The following C17orf58 variants were observed in gnomAD, a reference collection of about 807,000 sequenced individuals.
The protein encoded by C17orf58 is chromosome 17 open reading frame 58.
C17orf58 carries 5 observed loss-of-function variants against 7.4 expected under a neutral mutation model. The observed-to-expected ratio is 0.67, with a 90% CI of 0.35 to 1.42. C17orf58 has a LOEUF of 1.42. C17orf58 is among the 40% of genes most tolerant of loss of function. The pLI is 0.04. For missense variants in C17orf58, 162 were observed against 174.2 expected (o/e 0.93, Z 0.40); for synonymous variants, 60 against 70.6 (o/e 0.85, Z 0.75).
chr17:67,994,769 A>C (rs1380454991), intron 1 of C17orf58, among the ~76,000 whole-genome samples: 1 of 151,938 alleles, frequency 6.6e-6, no homozygotes, highest in African/African-American at 2.4e-5. Flanking sequence ...CTTACTGGTA[A>C]ACCACAGCTA....
rs782391206 is a variant in C17orf58 at position 67,992,959 on chromosome 17, C to G, written c.829+85G>C. 23 of 1,614,056 alleles carry G rather than the reference C, an allele frequency of 1.4e-5. 1 individual carries two copies. The South Asian group carries it at 2.3e-4, about 16-fold the overall frequency. ...CCATCGCTCCCAAAAAAAGGCTGGG[C>G]GACCTACAGCCCGGGCTGTGGCACC... On this transcript the variant is annotated intron_variant, in intron 3 of 3. Coordinates refer to ENST00000580729, the MANE Select transcript of C17orf58 (RefSeq NM_001382359.1).
rs2070825843 is a variant in C17orf58, at chr17:67,991,121, T to C, written c.*792A>G. The C allele has an allele frequency of 6.6e-6, 1 of 152,196 alleles. No homozygotes were observed. Among genetic ancestry groups the C allele is most frequent in the African/African-American group, 2.4e-5 (1 of 41,450 alleles). The allele number at this position is 152,196 out of a possible 1,614,324, so 9.4% of individuals were successfully genotyped here. On this transcript the variant is annotated 3_prime_UTR_variant, in exon 4 of 4. Transcript: ENST00000580729. ...AGATCTGATTTCAAGTCAAGATTTA[T>C]TGCTTTACAAACAAACATTATACTT...
intron 1 of C17orf58, among the ~76,000 whole-genome samples, chr17:67,994,613 G>A (rs1170404391): frequency 7.3e-5 from 11 of 150,454 alleles, no homozygotes; most frequent in African/African-American, 2.7e-4. Context: ...CAGGGGGAAA[G>A]GTCTCATATT....
chr17:67,995,780 C>T (rs1238410230), intron 1 of C17orf58, among the ~76,000 whole-genome samples: 1 of 152,234 alleles, frequency 6.6e-6, no homozygotes, highest in Non-Finnish European at 1.5e-5. Flanking sequence ...GTCCTGCGAG[C>T]CCGGCCCGGG....
At chr17:67,994,535 T>TATATATATATATATA (rs71142122) in intron 1 of C17orf58, among the ~76,000 whole-genome samples, 5 of 100,308 alleles carry the variant, frequency 5.0e-5, no homozygotes, top group East Asian at 2.3e-4. Context: ...TATATATATA[T>TATATATATATATATA]AAAACATATA....
Position 67,991,813 on chromosome 17 carries a change from C to G in C17orf58, c.*100G>C. On this transcript the variant is annotated 3_prime_UTR_variant, in exon 4 of 4. Coordinates refer to ENST00000580729, the MANE Select transcript of C17orf58 (RefSeq NM_001382359.1). ...AAGTCATTCACAGAGTAGCTGAGGG[C>G]TCTCTTCTGAAGGAGGACCCATTAC... The G allele has an allele frequency of 1.1e-6, 1 of 940,926 alleles. No individual in the cohort carries two copies. Among genetic ancestry groups the G allele is most frequent in the Non-Finnish European group, 1.6e-6 (1 of 630,426 alleles). The allele number at this position is 940,926 out of a possible 1,614,324, so 58.3% of individuals were successfully genotyped here.
At position 67,993,628 on chromosome 17, in the gene C17orf58, C is replaced by G. The variant is rs2070862583; in HGVS notation, c.433G>C (p.Glu145Gln). Residue 145 changes from glutamate to glutamine, a missense_variant, in exon 2 of 4, where the codon GAG becomes CAG. Around this residue, in one of 3 missense-constraint regions of C17orf58, gnomAD observed 93 missense variants for 90.4 expected, o/e 1.03. Coordinates refer to ENST00000580729, the MANE Select transcript of C17orf58 (RefSeq NM_001382359.1). The surrounding 1 kb of genome is among the most constrained non-coding windows in gnomAD (Gnocchi z 5.1). ...PAARPPALAT[E>Q]GSAGHAHPNR... ...GGGTGGGCGTGGCCGGCGGAGCCCT[C>G]GGTGGCGAGCGCGGGCGGCCGGGCG... 6.9e-6 allele frequency: 1 copy of G among 145,432 alleles called. No homozygotes were observed. The highest frequency in any genetic ancestry group is 1.5e-5 in the Non-Finnish European group (1 of 65,742). The allele number at this position is 145,432 out of a possible 1,614,324, so 9.0% of individuals were successfully genotyped here.
rs1244199425 is a variant in C17orf58, at chr17:67,994,516, G to GTGTGTGTA, written c.77-533_77-532insTACACACA. ...TGCGTGTGTGTGTGTGTGTGTGTGT[G>GTGTGTGTA]TATATATATATATATATATAAAACA... On this transcript the variant is annotated intron_variant, in intron 1 of 3. Transcript: ENST00000580729. Among the ~76,000 whole-genome samples the GTGTGTGTA allele has an allele frequency of 3.1e-3, 275 of 89,540 alleles. 1 individual carries two copies. The highest frequency in any genetic ancestry group is 9.8e-3 in the African/African-American group (261 of 26,726). 58.7% of individuals were successfully genotyped at this position (89,540 alleles called of 152,430 possible).
In C17orf58 at chr17:67,991,544, T is replaced by A. The variant is rs1244285213; in HGVS notation, c.*369A>T. The A allele has an allele frequency of 6.4e-6, 1 of 155,862 alleles. No individual in the cohort carries two copies. The highest frequency in any genetic ancestry group is 2.4e-5 in the African/African-American group (1 of 41,586). 9.7% of individuals were successfully genotyped at this position (155,862 alleles called of 1,614,324 possible). A position where few individuals can be genotyped will look rare whatever the true frequency, so the allele number is the denominator to read the frequency against. On this transcript the variant is annotated 3_prime_UTR_variant, in exon 4 of 4. Coordinates refer to ENST00000580729, the MANE Select transcript of C17orf58 (RefSeq NM_001382359.1). ...CTGGTTTGATACATGATATAAAAGT[T>A]GTATATTTAAATTCAAGAAAATGTT... is the stretch of plus-strand genomic sequence containing the variant.
rs2070891361 is a variant in C17orf58, at chr17:67,996,346, A to G, written c.-148T>C. ...ACGGGAATCACTCGCTGAGCAGACCATTGGAACAAAACCGAGCCGCAGGGA... is the reference window on the plus strand; with the variant it reads ...ACGGGAATCACTCGCTGAGCAGACCGTTGGAACAAAACCGAGCCGCAGGGA... On this transcript the variant is annotated 5_prime_UTR_variant, in exon 1 of 4. The change abolishes an upstream ATG in the 5' untranslated region. Coordinates refer to ENST00000580729, the MANE Select transcript of C17orf58 (RefSeq NM_001382359.1). 2.5e-6 allele frequency: 1 copy of G among 392,352 alleles called. No individual in the cohort carries two copies. The highest frequency in any genetic ancestry group is 4.5e-6 in the Non-Finnish European group (1 of 222,816). The allele number at this position is 392,352 out of a possible 1,614,324, so 24.3% of individuals were successfully genotyped here.
chr17:67,992,131 C>T, intron 3 of C17orf58, 28 bp from the exon 4 acceptor site: 1 of 1,514,988 alleles, frequency 6.6e-7, no homozygotes, highest in East Asian at 2.3e-5. Flanking sequence ...AACATTAATT[C>T]ATAGTGTCTT....
intron 1 of C17orf58, among the ~76,000 whole-genome samples, chr17:67,995,845 A>G (rs1555699736): frequency 6.6e-6 from 1 of 152,238 alleles, no homozygotes; most frequent in Admixed American, 6.5e-5. Flanking sequence ...CTCCTCCGTG[A>G]TGGAGCAACT....
At position 67,996,416 on chromosome 17, in the gene C17orf58, A is replaced by G. The variant is rs1193762995; in HGVS notation, c.-218T>C. The G allele has an allele frequency of 2.8e-6, 1 of 360,414 alleles. No homozygotes were observed. The highest frequency in any genetic ancestry group is 4.1e-5 in the East Asian group (1 of 24,438). 22.3% of individuals were successfully genotyped at this position (360,414 alleles called of 1,614,324 possible). ...AAGGAGGACGAGCACATGGCCTTGC[A>G]AAGTTGTCCCCGGGAATGTCTGTCC... On this transcript the variant is annotated 5_prime_UTR_variant, in exon 1 of 4. Coordinates refer to ENST00000580729, the MANE Select transcript of C17orf58 (RefSeq NM_001382359.1).
At chr17:67,994,347 A>C (rs1555699567) in intron 1 of C17orf58, among the ~76,000 whole-genome samples, 1 of 151,818 alleles carries the variant, frequency 6.6e-6, no homozygotes, top group Non-Finnish European at 1.5e-5. Context: ...GAAGGATACG[A>C]GGGTCTTGAC....
At position 67,991,277 on chromosome 17, in the gene C17orf58, T is replaced by A. The variant is rs1410048181; in HGVS notation, c.*636A>T. 1 of 152,234 alleles carries A rather than the reference T, an allele frequency of 6.6e-6. No homozygotes were observed. Among genetic ancestry groups the A allele is most frequent in the Non-Finnish European group, 1.5e-5 (1 of 68,044 alleles). The allele number at this position is 152,234 out of a possible 1,614,324, so 9.4% of individuals were successfully genotyped here. A position where few individuals can be genotyped will look rare whatever the true frequency, so the allele number is the denominator to read the frequency against. On this transcript the variant is annotated 3_prime_UTR_variant, in exon 4 of 4. Transcript: ENST00000580729. ...AAATAAACTATATCTTACTTTTTGG[T>A]ACGTCAGGAACACTTTTGCCTGAAG...
At chr17:67,994,677 C>T (rs1599119661) in intron 1 of C17orf58, among the ~76,000 whole-genome samples, 1 of 151,838 alleles carries the variant, frequency 6.6e-6, no homozygotes, top group East Asian at 1.9e-4. Context: ...TTTGGTTTTC[C>T]CATCCATGTT....
At chr17:67,995,619 C>G (rs1278573090) in intron 1 of C17orf58, among the ~76,000 whole-genome samples, 1 of 152,240 alleles carries the variant, frequency 6.6e-6, no homozygotes, top group African/African-American at 2.4e-5. Flanking sequence ...GTTAGTTAAA[C>G]CCCGGCTCAG....
Position 67,993,312 on chromosome 17 carries a change from A to T in C17orf58, c.638-77T>A. ...AGTCCCCCAGGAGGTGGTTTTTAGCAACCGCGAAACGGCCCGCACGGGTCA... is the reference window on the plus strand; with the variant it reads ...AGTCCCCCAGGAGGTGGTTTTTAGCTACCGCGAAACGGCCCGCACGGGTCA... On this transcript the variant is annotated intron_variant, in intron 2 of 3. Coordinates refer to ENST00000580729, the MANE Select transcript of C17orf58 (RefSeq NM_001382359.1). The surrounding 1 kb of genome is among the most constrained non-coding windows in gnomAD (Gnocchi z 5.1). 1.1e-6 allele frequency: 1 copy of T among 902,648 alleles called. No individual in the cohort carries two copies. Among genetic ancestry groups the T allele is most frequent in the Non-Finnish European group, 1.7e-6 (1 of 595,228 alleles). 55.9% of individuals were successfully genotyped at this position (902,648 alleles called of 1,614,324 possible). A position where few individuals can be genotyped will look rare whatever the true frequency, so the allele number is the denominator to read the frequency against.
In C17orf58 at chr17:67,993,898, C is replaced by G. The variant is rs1198027996; in HGVS notation, c.163G>C (p.Glu55Gln). The change falls in exon 2 of 4, where the codon GAG (glutamate) becomes CAG (glutamine). Residue 55 changes from glutamate to glutamine, a missense_variant. By Grantham distance (29) the Glu-to-Gln change is conservative. Transcript: ENST00000580729. This position sits in a 1 kb window ranked among gnomAD's most constrained non-coding sequence, Gnocchi z 5.1. The stretch of plus-strand genomic sequence containing the variant: ...GCCGCGCGCGGCCGCTGCGGGGCCT[C>G]AAGGAGTGGCTGCGCGCGGGGCCCC... ...TPGPRAQPLL[E>Q]APQRPRAAEV... is the part of the protein sequence containing the mutation. 1 of 387,044 alleles carries G rather than the reference C, an allele frequency of 2.6e-6. No individual in the cohort carries two copies. Among genetic ancestry groups the G allele is most frequent in the Non-Finnish European group, 4.6e-6 (1 of 219,376 alleles). 24.0% of individuals were successfully genotyped at this position (387,044 alleles called of 1,614,324 possible). A position where few individuals can be genotyped will look rare whatever the true frequency, so the allele number is the denominator to read the frequency against.
Sources: allele counts gnomAD v4.1 joint callset (sites outside exome capture counted in the v4.1 genomes callset), GRCh38; gene constraint gnomAD v4.1.1; regional missense constraint gnomAD v4.1.1; non-coding constraint Gnocchi (gnomAD v3.1); transcripts MANE v1.5; gene names NCBI Gene and HGNC (gene_info 2026-07-23, HGNC 2026-07-21).